Variants in ANKRD42 observed in about 807,000 individuals in gnomAD.
ANKRD42 encodes the protein ankyrin repeat domain-containing protein 42.
A neutral mutation model predicts 51.5 loss-of-function variants in ANKRD42; 43 were observed. The ratio of observed to expected loss-of-function variants is 0.83; its 90% CI spans 0.65 to 1.08. ANKRD42 has a LOEUF of 1.08. Among genes scored for constraint, ANKRD42 ranks in the 50% least tolerant of loss-of-function variants. The pLI is 0.00. For synonymous variants in ANKRD42, 203 were observed against 213.0 expected (o/e 0.95, Z 0.41); for missense variants, 608 against 629.3 (o/e 0.97, Z 0.36).
intron 5 of ANKRD42, among the ~76,000 whole-genome samples, chr11:83,217,457 G>A (rs1056878417): frequency 2.0e-5 from 3 of 152,220 alleles, no homozygotes; most frequent in Non-Finnish European, 4.4e-5. Flanking sequence ...CCAGGTTACA[G>A]GCTGTCCTAA....
At chr11:83,197,239 A>G (rs1861694831) in intron 1 of ANKRD42, among the ~76,000 whole-genome samples, 1 of 152,158 alleles carries the variant, frequency 6.6e-6, no homozygotes, top group African/African-American at 2.4e-5. Flanking sequence ...CTCTGAGGAC[A>G]TTGCTGTCAG....
chr11:83,194,763 G>C (rs111840110), intron 1 of ANKRD42, 35 bp downstream of exon 1: 25 of 1,534,960 alleles, frequency 1.6e-5, no homozygotes, highest in Admixed American at 2.2e-5. Flanking sequence ...CATCTCTGTC[G>C]TATTCCTTTT....
chr11:83,248,654 C>T lies in ANKRD42; in HGVS notation c.*450C>T. The T allele has an allele frequency of 3.0e-6, 3 of 985,010 alleles. No individual in the cohort carries two copies. The highest frequency in any genetic ancestry group is 3.6e-6 in the Non-Finnish European group (3 of 829,576). The allele number at this position is 985,010 out of a possible 1,614,324, so 61.0% of individuals were successfully genotyped here. A position where few individuals can be genotyped will look rare whatever the true frequency, so the allele number is the denominator to read the frequency against. The stretch of plus-strand genomic sequence containing the variant: ...TGATCTATTAATATTATAGAATCTT[C>T]CTGGCTTCTTTTTATTTTGCACAAA... On this transcript the variant is annotated 3_prime_UTR_variant, in exon 11 of 11. Transcript: ENST00000533342.
chr11:83,210,490 T>A, intron 4 of ANKRD42, 71 bp downstream of exon 4: 1 of 1,554,602 alleles, frequency 6.4e-7, no homozygotes, highest in Non-Finnish European at 8.8e-7. Flanking sequence ...AGTCTAGTTA[T>A]CTCTTCCTGA....
At chr11:83,212,704 A>G (rs1215631705) in intron 5 of ANKRD42, 1 of 1,535,928 alleles carries the variant, frequency 6.5e-7, no homozygotes, top group Non-Finnish European at 8.7e-7. Flanking sequence ...GGCATGCTGG[A>G]CTTACATAAT....
chr11:83,216,166 C>T (rs528437816), intron 5 of ANKRD42, among the ~76,000 whole-genome samples: 3 of 152,098 alleles, frequency 2.0e-5, no homozygotes, highest in African/African-American at 7.2e-5. Context: ...TTAGATTTGT[C>T]TTTTAGTCTC....
At chr11:83,223,756 A>C (rs1175552195) in intron 5 of ANKRD42, among the ~76,000 whole-genome samples, 3 of 152,162 alleles carry the variant, frequency 2.0e-5, no homozygotes, top group Non-Finnish European at 2.9e-5. Flanking sequence ...AACTTGTCTT[A>C]TCTGGACTTC....
intron 5 of ANKRD42, chr11:83,212,916 A>C (rs1862379933): frequency 1.4e-6 from 2 of 1,464,434 alleles, no homozygotes; most frequent in Admixed American, 2.8e-5. Flanking sequence ...TTTTTTTTTA[A>C]AGTAAAATTT....
rs768054257 is a variant in ANKRD42 at position 83,204,639 on chromosome 11, A to T, written c.223-1419A>T. Among the ~76,000 whole-genome samples the T allele has an allele frequency of 5.7e-4, 85 of 149,662 alleles. 1 individual carries two copies. The highest frequency in any genetic ancestry group is 9.7e-4 in the Non-Finnish European group (65 of 67,188). On this transcript the variant is annotated intron_variant, in intron 2 of 10. Transcript: ENST00000533342. ...ACATGTACCCTCTGAATCTAAAATT[A>T]AAAAAAAAAGAAAATGAAGCTTGAG...
intron 2 of ANKRD42, among the ~76,000 whole-genome samples, chr11:83,201,040 G>C (rs1861849210): frequency 6.6e-6 from 1 of 151,502 alleles, no homozygotes; most frequent in Non-Finnish European, 1.5e-5. Flanking sequence ...CTGCAGTTTT[G>C]TTACATAGGT....
At chr11:83,251,874 G>A (rs1224825784), downstream of ANKRD42, among the ~76,000 whole-genome samples, 1 of 152,140 alleles carries the variant, frequency 6.6e-6, no homozygotes, top group African/African-American at 2.4e-5. Flanking sequence ...ATATCTTCAT[G>A]ACCTTGGGGT....
intron 2 of ANKRD42, among the ~76,000 whole-genome samples, chr11:83,201,007 G>T (rs765735440): frequency 6.6e-6 from 1 of 151,714 alleles, no homozygotes; most frequent in Non-Finnish European, 1.5e-5. Context: ...AATACTTTAA[G>T]TTCTAGGATA....
At position 83,193,788 on chromosome 11, in the gene ANKRD42, G is replaced by GA. The variant is rs1403273105; in HGVS notation, c.-880dup. ...TCGGGAGGCTGGAAAGAGACTCCGA[G>GA]AAAGTACCAGCGGAAGGCGGCCGCC... On this transcript the variant is annotated 5_prime_UTR_variant, in exon 1 of 11. Coordinates refer to ENST00000533342, the MANE Select transcript of ANKRD42 (RefSeq NM_001300975.2). 3 of 452,536 alleles carry GA rather than the reference G, an allele frequency of 6.6e-6. No individual in the cohort carries two copies. Among genetic ancestry groups the GA allele is most frequent in the Non-Finnish European group, 1.3e-5 (3 of 225,190 alleles). 28.0% of individuals were successfully genotyped at this position (452,536 alleles called of 1,614,324 possible).
At chr11:83,232,021 G>A (rs1012001646) in intron 7 of ANKRD42, among the ~76,000 whole-genome samples, 43 of 151,124 alleles carry the variant, frequency 2.8e-4, no homozygotes, top group African/African-American at 1.0e-3. Flanking sequence ...ATCAGGTAAT[G>A]TGATTCCTTC....
In ANKRD42 at chr11:83,211,434, T is replaced by A; in HGVS notation, c.586+4T>A. 6.2e-7 allele frequency: 1 copy of A among 1,612,480 alleles called. No individual in the cohort carries two copies. Among genetic ancestry groups the A allele is most frequent in the South Asian group, 1.1e-5 (1 of 90,472 alleles). On this transcript the variant is annotated splice_donor_region_variant and intron_variant, in intron 5 of 10. Transcript: ENST00000533342. ...GACTACAATGGAAACCTTCCAGGTA[T>A]TTTAAATAAAGCAAATATTTTAGTT...
At chr11:83,241,866 C>A (rs960827624) in intron 9 of ANKRD42, among the ~76,000 whole-genome samples, 4 of 152,128 alleles carry the variant, frequency 2.6e-5, no homozygotes, top group African/African-American at 9.7e-5. Context: ...AAGAGCATAG[C>A]ATTTCAGATG....
intron 2 of ANKRD42, among the ~76,000 whole-genome samples, chr11:83,205,003 G>A (rs7102904): frequency 0.059 from 8,953 of 152,124 alleles, 877 homozygotes; most frequent in African/African-American, 0.2. Flanking sequence ...CAAAAAAATG[G>A]CAATACAAAG....
chr11:83,218,407 G>A (rs1862607384), intron 5 of ANKRD42, among the ~76,000 whole-genome samples: 2 of 152,138 alleles, frequency 1.3e-5, no homozygotes, highest in South Asian at 4.1e-4. Context: ...TTGCTGGGCT[G>A]CCGCTAAAGC....
Position 83,194,475 on chromosome 11 carries a change from G to T in ANKRD42, c.-196G>T. 1.4e-6 allele frequency: 1 copy of T among 706,650 alleles called. No homozygotes were observed. The highest frequency in any genetic ancestry group is 2.7e-5 in the East Asian group (1 of 37,176). The allele number at this position is 706,650 out of a possible 1,614,324, so 43.8% of individuals were successfully genotyped here. ...CCAGCTACCGCTTCAGTGGCTTTTG[G>T]GAGAGAGAAAGTGAAGACGAAGGTT... On this transcript the variant is annotated 5_prime_UTR_variant, in exon 1 of 11. Transcript: ENST00000533342.
Sources: gnomAD v4.1 joint callset for allele counts (sites outside exome capture counted in the v4.1 genomes callset) on GRCh38, gnomAD v4.1.1 for gene constraint, MANE v1.5 for transcripts, NCBI Gene and HGNC (gene_info 2026-07-23, HGNC 2026-07-21) for gene names.